The following BMPR1B variants were observed in gnomAD, a reference collection of about 807,000 sequenced individuals.
The protein encoded by BMPR1B is bone morphogenetic protein receptor type 1B.
BMPR1B carries 12 observed loss-of-function variants against 59.1 expected under a neutral mutation model. That is an observed-to-expected ratio of 0.20 (90% CI 0.13 to 0.33). The LOEUF is 0.33. BMPR1B is among the 10% of genes least tolerant of loss of function. BMPR1B has a pLI of 1.00. For missense variants in BMPR1B, 550 were observed against 610.9 expected, an observed-to-expected ratio of 0.90 and a Z score of 1.05; for synonymous variants, 237 against 207.3, an observed-to-expected ratio of 1.14 and a Z score of -1.23.
intron 3 of BMPR1B, among the ~76,000 whole-genome samples, chr4:95,015,515 A>G (rs781549561): frequency 2.0e-4 from 31 of 152,120 alleles, no homozygotes; most frequent in Non-Finnish European, 3.8e-4. Context: ...TCTCCCAAGT[A>G]GCTGTGACTA....
At chr4:94,933,035 T>A (rs945985352) in intron 2 of BMPR1B, among the ~76,000 whole-genome samples, 2 of 152,116 alleles carry the variant, frequency 1.3e-5, no homozygotes, top group Non-Finnish European at 2.9e-5. Flanking sequence ...AAAGATAACC[T>A]CTGTCAGCAT....
intron 3 of BMPR1B, among the ~76,000 whole-genome samples, chr4:95,061,291 A>G (rs1727373251): frequency 6.6e-6 from 1 of 152,056 alleles, no homozygotes; most frequent in African/African-American, 2.4e-5. Flanking sequence ...GAGGCATTCC[A>G]AATGCTTGGG....
chr4:94,949,900 C>T (rs1440982532), intron 2 of BMPR1B, among the ~76,000 whole-genome samples: 1 of 152,202 alleles, frequency 6.6e-6, no homozygotes, highest in Non-Finnish European at 1.5e-5. Flanking sequence ...AATTTACACT[C>T]CTACTAACAG....
At chr4:94,805,835 T>C (rs113800733) in intron 1 of BMPR1B, among the ~76,000 whole-genome samples, 10 of 152,130 alleles carry the variant, frequency 6.6e-5, no homozygotes, top group African/African-American at 2.4e-4. Context: ...GAAATTTCCA[T>C]ATCCTAACAC....
At chr4:95,069,255 G>A (rs1728091147) in intron 3 of BMPR1B, among the ~76,000 whole-genome samples, 1 of 152,132 alleles carries the variant, frequency 6.6e-6, no homozygotes, top group South Asian at 2.1e-4. Flanking sequence ...CTGGCTCTCT[G>A]CTTTGGTTTT....
At chr4:94,866,861 C>T (rs1464169505) in intron 1 of BMPR1B, among the ~76,000 whole-genome samples, 9 of 152,154 alleles carry the variant, frequency 5.9e-5, no homozygotes, top group Non-Finnish European at 1.3e-4. Context: ...GGATTACAGG[C>T]GTGAGCCACT....
At chr4:94,831,233 T>TG (rs1724573435) in intron 1 of BMPR1B, among the ~76,000 whole-genome samples, 4 of 88,554 alleles carry the variant, frequency 4.5e-5, no homozygotes, top group African/African-American at 1.4e-4. Context: ...GTTTAAAAAG[T>TG]AAAAAAAAAA....
At chr4:94,799,338 G>A (rs1723314741) in intron 1 of BMPR1B, among the ~76,000 whole-genome samples, 1 of 147,742 alleles carries the variant, frequency 6.8e-6, no homozygotes, top group Non-Finnish European at 1.5e-5. Flanking sequence ...CAGTCTTGCT[G>A]TGTCGCCCAG....
chr4:94,906,126 T>C (rs1486562912), intron 2 of BMPR1B, among the ~76,000 whole-genome samples: 1 of 151,992 alleles, frequency 6.6e-6, no homozygotes, highest in African/African-American at 2.4e-5. Flanking sequence ...TAATTCACAT[T>C]ATCTCCAATG....
intron 1 of BMPR1B, among the ~76,000 whole-genome samples, chr4:94,807,701 T>C (rs1469153529): frequency 2.6e-5 from 4 of 152,220 alleles, no homozygotes; most frequent in Non-Finnish European, 5.9e-5. Flanking sequence ...TTACTTTTTA[T>C]TGAGACAGAG....
At chr4:94,831,150 A>G (rs1724569653) in intron 1 of BMPR1B, among the ~76,000 whole-genome samples, 1 of 150,722 alleles carries the variant, frequency 6.6e-6, no homozygotes, top group Non-Finnish European at 1.5e-5. Flanking sequence ...GAGGGGAAAG[A>G]CAGTGACATT....
At chr4:95,123,687 T>A in intron 6 of BMPR1B, 123 bp from the exon 7 acceptor site, 2 of 755,376 alleles carry the variant, frequency 2.6e-6, no homozygotes, top group Admixed American at 2.5e-5. Flanking sequence ...TTAATTGGTA[T>A]GTGAAAAGGA....
chr4:94,805,048 G>A lies in BMPR1B; in HGVS notation c.-183+46980G>A, dbSNP rs534764756. Reference sequence around the variant, plus strand: ...AGAACTTACTTTAGAGTTCTTCTATGATCTATAAAATGAAGAAATAGCCAT... The same window carrying A: ...AGAACTTACTTTAGAGTTCTTCTATAATCTATAAAATGAAGAAATAGCCAT... On this transcript the variant is annotated intron_variant, in intron 1 of 12. Coordinates refer to ENST00000515059, the MANE Select transcript of BMPR1B (RefSeq NM_001203.3). Among the ~76,000 whole-genome samples the A allele has an allele frequency of 3.1e-4, 47 of 152,250 alleles. No individual in the cohort carries two copies. In the South Asian group the frequency reaches 9.5e-3, roughly 31 times the overall value.
At position 94,946,851 on chromosome 4, in the gene BMPR1B, G is replaced by C. The variant is rs184789876; in HGVS notation, c.-112-49189G>C. 2.7e-4 allele frequency among the ~76,000 whole-genome samples: 41 copies of C among 152,242 alleles called. No homozygotes were observed. In the East Asian group the frequency reaches 7.5e-3, roughly 28 times the overall value. On this transcript the variant is annotated intron_variant, in intron 2 of 12. Transcript: ENST00000515059. ...GGATTACCTGAGCTCAGGAGTTTGAGACCAGCCTGGGCAACATGGTGAAAC... is the reference window on the plus strand; with the variant it reads ...GGATTACCTGAGCTCAGGAGTTTGACACCAGCCTGGGCAACATGGTGAAAC...
Position 94,761,818 on chromosome 4 carries a change from T to C in BMPR1B, c.-183+3750T>C, listed in dbSNP as rs545217658. On this transcript the variant is annotated intron_variant, in intron 1 of 12. Coordinates refer to ENST00000515059, the MANE Select transcript of BMPR1B (RefSeq NM_001203.3). ...CTATTAATAATTTCAGGTTTCCATA[T>C]GCTGAATTTTATATGATGGCAGAAA... 2.0e-5 allele frequency among the ~76,000 whole-genome samples: 3 copies of C among 152,288 alleles called. No individual in the cohort carries two copies. In the South Asian group the frequency reaches 6.2e-4, roughly 32 times the overall value.
chr4:95,120,780 C>T, intron 6 of BMPR1B, among the ~76,000 whole-genome samples: 1 of 144,434 alleles, frequency 6.9e-6, no homozygotes. Flanking sequence ...TTCCTCCCTT[C>T]CCTTCCCTCC....
intron 5 of BMPR1B, among the ~76,000 whole-genome samples, chr4:95,115,164 T>C (rs1053614791): frequency 6.6e-6 from 1 of 152,190 alleles, no homozygotes; most frequent in Non-Finnish European, 1.5e-5. Flanking sequence ...TGTAGTAGGC[T>C]ATACCATCTA....
intron 3 of BMPR1B, among the ~76,000 whole-genome samples, chr4:95,070,266 G>A (rs1863652): frequency 0.3 from 45,759 of 152,006 alleles, 7,244 homozygotes; most frequent in Middle Eastern, 0.42. Context: ...TCTTCTTAAC[G>A]TCATCAATGG....
chr4:94,778,768 AATG>A (rs1167274953), intron 1 of BMPR1B, among the ~76,000 whole-genome samples: 1 of 152,164 alleles, frequency 6.6e-6, no homozygotes, highest in African/African-American at 2.4e-5. Flanking sequence ...CATGATTGTT[AATG>A]ATGATGAGCC....
Sources: allele counts gnomAD v4.1 joint callset (sites outside exome capture counted in the v4.1 genomes callset), GRCh38; gene constraint gnomAD v4.1.1; transcripts MANE v1.5; gene names NCBI Gene and HGNC (gene_info 2026-07-23, HGNC 2026-07-21).